Variants in CYB561A3 observed in about 807,000 individuals in gnomAD.
The protein encoded by CYB561A3 is lysosomal membrane ascorbate-dependent ferrireductase CYB561A3.
In CYB561A3, 16 loss-of-function variants were observed where a neutral mutation model predicts 25.3. The ratio of observed to expected loss-of-function variants is 0.63; its 90% confidence interval spans 0.43 to 0.96. The LOEUF is 0.96. Ranked by LOEUF, CYB561A3 falls within the 40% of genes least tolerant of loss-of-function variation. CYB561A3 has a pLI of 0.00. For synonymous variants in CYB561A3, 131 were observed against 129.9 expected (o/e 1.01, Z -0.06); for missense variants, 219 against 307.5 (o/e 0.71, Z 2.15).
rs749227299 is a variant in CYB561A3, at chr11:61,356,655, C to A, written c.59G>T (p.Cys20Phe). The change falls in exon 3 of 7, where the codon TGC becomes TTC. Residue 20 changes from cysteine to phenylalanine, a missense_variant. Transcript: ENST00000294072. The stretch of plus-strand genomic sequence containing the variant: ...CATCCAGTAGATAGTGAAGAGGATG[C>A]ACATAGAGCCCAGGGACCCCAGCAG... The part of the protein sequence containing the change: ...CLLLGSLGSM[C>F]ILFTIYWMQY... 9 of 1,614,192 alleles carry A rather than the reference C, an allele frequency of 5.6e-6. No individual in the cohort carries two copies. The highest frequency in any genetic ancestry group is 7.6e-6 in the Non-Finnish European group (9 of 1,180,036).
intron 2 of CYB561A3, chr11:61,357,147 T>C: frequency 1.3e-6 from 2 of 1,544,628 alleles, no homozygotes; most frequent in Non-Finnish European, 1.8e-6. Context: ...GGCCTTGGGT[T>C]CTAAGATAAG....
chr11:61,357,590 C>T (rs578045574), intron 2 of CYB561A3, 143 bp downstream of exon 2: 13 of 205,078 alleles, frequency 6.3e-5, no homozygotes, highest in Admixed American at 1.6e-4. Context: ...GTAGGCAGCA[C>T]GGGCCCAGGC....
upstream of CYB561A3, chr11:61,362,268 C>G (rs1453965900): frequency 1.3e-5 from 2 of 152,288 alleles, no homozygotes; most frequent in Non-Finnish European, 1.5e-5. Context: ...AACATGGCGG[C>G]CAGACTGGCC....
chr11:61,362,213 C>T (rs955677474), upstream of CYB561A3: 2 of 152,312 alleles, frequency 1.3e-5, no homozygotes, highest in Non-Finnish European at 2.9e-5. Flanking sequence ...AGCGGCGACG[C>T]TGGGAGGGCC....
chr11:61,355,038 T>G, intron 3 of CYB561A3, among the ~76,000 whole-genome samples: 1 of 152,004 alleles, frequency 6.6e-6, no homozygotes, highest in Non-Finnish European at 1.5e-5. Flanking sequence ...CCGGCTAATT[T>G]TTTGTATTTT....
chr11:61,351,248 C>A, intron 5 of CYB561A3, 101 bp from the exon 6 acceptor site: 2 of 1,274,634 alleles, frequency 1.6e-6, no homozygotes, highest in Admixed American at 3.0e-5. Context: ...AAAACCTTCC[C>A]GGGTCCATAT....
At chr11:61,355,854 C>T (rs1224111687) in intron 3 of CYB561A3, among the ~76,000 whole-genome samples, 1 of 152,024 alleles carries the variant, frequency 6.6e-6, no homozygotes, top group African/African-American at 2.4e-5. Context: ...CTTCAGGAGG[C>T]TGAGGTGGGC....
chr11:61,353,315 C>G (rs1857505825), intron 4 of CYB561A3, 176 bp from the exon 5 acceptor site: 1 of 779,994 alleles, frequency 1.3e-6, no homozygotes, highest in African/African-American at 1.8e-5. Context: ...ATTACCCAAG[C>G]AACAAGAACA....
chr11:61,350,377 T>C lies in CYB561A3; in HGVS notation c.*22A>G. ...GCACAGGCTGCACCACCAGGAGCTC[T>C]TGGGAGCCCCTTCCTGCTGCTTCAC... On this transcript the variant is annotated 3_prime_UTR_variant, in exon 7 of 7. Transcript: ENST00000294072. The C allele has an allele frequency of 6.2e-7, 1 of 1,607,242 alleles. No homozygotes were observed. Among genetic ancestry groups the C allele is most frequent in the Non-Finnish European group, 8.5e-7 (1 of 1,177,406 alleles).
intron 6 of CYB561A3, 88 bp downstream of exon 6, chr11:61,350,903 C>A: frequency 1.3e-6 from 2 of 1,507,344 alleles, no homozygotes; most frequent in East Asian, 2.3e-5. Flanking sequence ...CAGGGTAAGT[C>A]TTCTTGTCAA....
upstream of CYB561A3, chr11:61,361,969 C>G (rs552221082): frequency 6.6e-6 from 1 of 152,352 alleles, no homozygotes; most frequent in African/African-American, 2.4e-5. Flanking sequence ...AGTCCGGAGA[C>G]CAGGGGTGGC....
At chr11:61,361,109 G>A (rs991447457) in intron 1 of CYB561A3, 3 of 152,204 alleles carry the variant, frequency 2.0e-5, no homozygotes, top group African/African-American at 2.4e-5. Flanking sequence ...CCGATGGACT[G>A]GGGGACTTCA....
chr11:61,351,818 T>C (rs1174166692), intron 5 of CYB561A3: 1 of 152,150 alleles, frequency 6.6e-6, no homozygotes, highest in Non-Finnish European at 1.5e-5. Context: ...GGAGGCTACA[T>C]TGGGAAGATC....
Position 61,356,616 on chromosome 11 carries a change from C to T in CYB561A3, c.98G>A (p.Gly33Asp), listed in dbSNP as rs1857663069. 6.2e-7 allele frequency: 1 copy of T among 1,614,078 alleles called. No homozygotes were observed. Among genetic ancestry groups the T allele is most frequent in the Admixed American group, 1.7e-5 (1 of 59,998 alleles). ...FTIYWMQYWR[G>D]GFAWNGSIYM... The stretch of plus-strand genomic sequence containing the variant: ...GATGCTGCCATTCCAGGCAAAGCCA[C>T]CACGCCAGTACTGCATCCAGTAGAT... Residue 33 changes from glycine (G) to aspartate (D), a missense_variant, in exon 3 of 7, where the codon GGT becomes GAT. Physicochemically the swap from Gly to Asp is moderately conservative, Grantham distance 94. Transcript: ENST00000294072.
intron 1 of CYB561A3, chr11:61,360,420 C>A (rs1238600815): frequency 6.6e-6 from 1 of 152,182 alleles, no homozygotes; most frequent in Non-Finnish European, 1.5e-5. Context: ...ATATTCTAGG[C>A]TTTGTAGAGC....
Position 61,350,340 on chromosome 11 carries a change from C to G in CYB561A3, c.*59G>C, listed in dbSNP as rs1218500488. The G allele has an allele frequency of 1.8e-5, 29 of 1,586,792 alleles. No individual in the cohort carries two copies. Among genetic ancestry groups the G allele is most frequent in the Non-Finnish European group, 2.4e-5 (28 of 1,166,638 alleles). ...GCCGGGAGCCCTGGGAAGAGCAGAGCTTCTGAGGGGAGCACAGGCTGCACC... is the reference window on the plus strand; with the variant it reads ...GCCGGGAGCCCTGGGAAGAGCAGAGGTTCTGAGGGGAGCACAGGCTGCACC... On this transcript the variant is annotated 3_prime_UTR_variant, in exon 7 of 7. Coordinates refer to ENST00000294072, the MANE Select transcript of CYB561A3 (RefSeq NM_153611.6).
intron 6 of CYB561A3, 200 bp downstream of exon 6, chr11:61,350,789 CTG>C (rs149448201): frequency 4.3e-6 from 3 of 701,138 alleles, no homozygotes; most frequent in Non-Finnish European, 6.8e-6. Flanking sequence ...AATGGACAGA[CTG>C]GGGAGTCCCA....
intron 6 of CYB561A3, chr11:61,350,653 GC>G (rs545330978): frequency 1.2e-4 from 71 of 608,286 alleles, no homozygotes; most frequent in African/African-American, 1.1e-3. Flanking sequence ...CACTAGACTA[GC>G]CCCCAGGCTG....
rs892892248 is a variant in CYB561A3 at position 61,349,416 on chromosome 11, A to G, written c.*983T>C. On this transcript the variant is annotated 3_prime_UTR_variant, in exon 7 of 7. Transcript: ENST00000294072. ...TGGTCAGAGGGGCTGGGGCCCTGCC[A>G]AGAGAGCAAGGCCAGACCTGCCCAG... 2 of 632,896 alleles carry G rather than the reference A, an allele frequency of 3.2e-6. No homozygotes were observed. Among genetic ancestry groups the G allele is most frequent in the African/African-American group, 1.8e-5 (1 of 55,498 alleles). The allele number at this position is 632,896 out of a possible 1,614,324, so 39.2% of individuals were successfully genotyped here.
Sources: gnomAD v4.1 joint callset for allele counts (sites outside exome capture counted in the v4.1 genomes callset) on GRCh38, gnomAD v4.1.1 for gene constraint, MANE v1.5 for transcripts, NCBI Gene and HGNC (gene_info 2026-07-23, HGNC 2026-07-21) for gene names.